MATN2: variants seen among roughly 807,000 people sequenced by gnomAD.
MATN2 encodes the protein matrilin-2.
MATN2 carries 69 observed loss-of-function variants against 103.2 expected under a neutral mutation model. The observed-to-expected ratio is 0.67, with a 90% CI of 0.55 to 0.82. The LOEUF (loss-of-function observed/expected upper bound fraction) is 0.82, where lower values mean the gene tolerates loss of function less well. Ranked by LOEUF, MATN2 falls within the 40% of genes least tolerant of loss-of-function variation. The pLI is 0.00. For missense variants in MATN2, 1,023 were observed against 1,211.5 expected, an observed-to-expected ratio of 0.84 and a Z score of 2.31; for synonymous variants, 429 against 450.2, an observed-to-expected ratio of 0.95 and a Z score of 0.60.
chr8:97,971,691 G>T (rs897766363), intron 5 of MATN2, among the ~76,000 whole-genome samples: 1 of 152,112 alleles, frequency 6.6e-6, no homozygotes, highest in African/African-American at 2.4e-5. Context: ...GGGTAACTTT[G>T]GTCCTGTTTG....
At chr8:97,994,411 A>T in intron 6 of MATN2, 69 bp from the exon 7 acceptor site, 1 of 1,531,056 alleles carries the variant, frequency 6.5e-7, no homozygotes, top group Non-Finnish European at 8.8e-7. Context: ...GAAGACTGGA[A>T]ATCCCTGGTT....
rs777866220 is a variant in MATN2 at position 97,935,170 on chromosome 8, C to T, written c.712+3648C>T. On this transcript the variant is annotated intron_variant, in intron 3 of 18. Coordinates refer to ENST00000254898, the MANE Select transcript of MATN2 (RefSeq NM_002380.5). ...AACTCCTGGGCTCAAGCAACCCTCT[C>T]ACATCAGCCTCCCAAGTAGCTGGGA... is the stretch of plus-strand genomic sequence containing the variant. Among the ~76,000 whole-genome samples the T allele has an allele frequency of 5.7e-4, 86 of 151,904 alleles. 1 individual carries two copies. Among genetic ancestry groups the T allele is most frequent in the Non-Finnish European group, 1.1e-3 (72 of 67,944 alleles).
At chr8:97,960,792 A>C (rs1011138032) in intron 4 of MATN2, among the ~76,000 whole-genome samples, 1 of 152,002 alleles carries the variant, frequency 6.6e-6, no homozygotes, top group Non-Finnish European at 1.5e-5. Flanking sequence ...AGTAATTCCA[A>C]CTTTGAAAAA....
At chr8:97,954,515 A>G (rs1811079444) in intron 4 of MATN2, among the ~76,000 whole-genome samples, 1 of 152,238 alleles carries the variant, frequency 6.6e-6, no homozygotes, top group African/African-American at 2.4e-5. Context: ...CCCACCGTGG[A>G]CATTTCAAGC....
At chr8:97,922,541 A>T (rs1022168019) in intron 2 of MATN2, among the ~76,000 whole-genome samples, 24 of 152,160 alleles carry the variant, frequency 1.6e-4, no homozygotes, top group African/African-American at 5.6e-4. Context: ...AGGCTCTAAG[A>T]CCAGGTTGGT....
At chr8:97,981,783 C>T in intron 6 of MATN2, among the ~76,000 whole-genome samples, 1 of 152,210 alleles carries the variant, frequency 6.6e-6, no homozygotes, top group Non-Finnish European at 1.5e-5. Flanking sequence ...CAGAGTGGCA[C>T]CATCTTCCCC....
chr8:97,910,821 A>T (rs998198959), intron 2 of MATN2, among the ~76,000 whole-genome samples: 1 of 152,130 alleles, frequency 6.6e-6, no homozygotes, highest in Non-Finnish European at 1.5e-5. Context: ...CCCTCTAGTA[A>T]AATGGGGACA....
intron 6 of MATN2, among the ~76,000 whole-genome samples, chr8:97,991,457 C>T (rs1255603979): frequency 6.6e-6 from 1 of 152,140 alleles, no homozygotes; most frequent in Non-Finnish European, 1.5e-5. Context: ...CACAGTGGCT[C>T]ACGCCTGTAA....
chr8:97,892,750 T>C (rs933912923), intron 2 of MATN2, among the ~76,000 whole-genome samples: 3 of 152,186 alleles, frequency 2.0e-5, no homozygotes, highest in Non-Finnish European at 4.4e-5. Flanking sequence ...AATGAGAGTA[T>C]GAAAGGCAAA....
chr8:97,884,554 G>C (rs1014870191), intron 1 of MATN2, among the ~76,000 whole-genome samples: 1 of 152,028 alleles, frequency 6.6e-6, no homozygotes, highest in Non-Finnish European at 1.5e-5. Flanking sequence ...GGAAGCTGAG[G>C]TGAGTGAGGA....
chr8:98,007,055 G>T lies in MATN2; in HGVS notation c.1328-50G>T. 1.3e-6 allele frequency: 2 copies of T among 1,545,694 alleles called. No individual in the cohort carries two copies. Among genetic ancestry groups the T allele is most frequent in the South Asian group, 1.2e-5 (1 of 84,628 alleles). On this transcript the variant is annotated intron_variant, in intron 8 of 18. Coordinates refer to ENST00000254898, the MANE Select transcript of MATN2 (RefSeq NM_002380.5). This position sits in a 1 kb window ranked among gnomAD's most constrained non-coding sequence, Gnocchi z 4.2. ...TGTTTTTGAATCTTGGTTGCTGGTG[G>T]GGTATTGCCCCCTCGGCTCCTCTAT...
chr8:97,959,421 CA>C (rs2130252041), intron 4 of MATN2, among the ~76,000 whole-genome samples: 1 of 152,300 alleles, frequency 6.6e-6, no homozygotes, highest in South Asian at 2.1e-4. Context: ...TGGCCTAGCT[CA>C]TTTAGGTTTT....
intron 7 of MATN2, among the ~76,000 whole-genome samples, chr8:97,995,627 G>A (rs1812559362): frequency 6.6e-6 from 1 of 152,220 alleles, no homozygotes. Flanking sequence ...TGCCTGGCAA[G>A]ACTGCGTTTT....
chr8:97,993,287 AAGATTATTTATGC>A (rs1340805895), intron 6 of MATN2, among the ~76,000 whole-genome samples: 5 of 152,216 alleles, frequency 3.3e-5, no homozygotes, highest in Admixed American at 1.3e-4. Context: ...ATTTGTTAGG[AAGATTATTTATGC>A]AGTTCAAATG....
Position 97,961,403 on chromosome 8 carries a change from C to G in MATN2, c.836-5C>G. ...TTGTGTTCTAACATCGTGACTTTGC[C>G]TCAGTCCAGGATCTGTGTGCCATGG... is the stretch of plus-strand genomic sequence containing the variant. On this transcript the variant is annotated splice_polypyrimidine_tract_variant and splice_region_variant and intron_variant, in intron 4 of 18. Transcript: ENST00000254898. The G allele has an allele frequency of 6.2e-7, 1 of 1,609,198 alleles. No individual in the cohort carries two copies. Among genetic ancestry groups the G allele is most frequent in the Non-Finnish European group, 8.5e-7 (1 of 1,177,508 alleles).
chr8:97,911,558 A>C (rs1809439748), intron 2 of MATN2, among the ~76,000 whole-genome samples: 1 of 151,636 alleles, frequency 6.6e-6, no homozygotes, highest in Admixed American at 6.6e-5. Context: ...AATGCAAAAA[A>C]TAGCTGGGCA....
chr8:97,902,182 T>G lies in MATN2; in HGVS notation c.142+13940T>G, dbSNP rs530040127. Among the ~76,000 whole-genome samples the G allele has an allele frequency of 1.8e-4, 27 of 151,596 alleles. No homozygotes were observed. In the East Asian group the frequency reaches 2.5e-3, roughly 14 times the overall value. On this transcript the variant is annotated intron_variant, in intron 2 of 18. Transcript: ENST00000254898. ...CTGGCCAGGGGACATGTATTTGTTTTTTTTTTTTTTAACAAAAAGTACACA... is the reference window on the plus strand; with the variant it reads ...CTGGCCAGGGGACATGTATTTGTTTGTTTTTTTTTTAACAAAAAGTACACA...
chr8:97,931,461 C>T lies in MATN2; in HGVS notation c.651C>T (p.Phe217=). The change falls in exon 3 of 19, where the codon TTC becomes TTT. Residue 217 remains phenylalanine (F), a synonymous_variant. Coordinates refer to ENST00000254898, the MANE Select transcript of MATN2 (RefSeq NM_002380.5). The surrounding 1 kb of genome is among the most constrained non-coding windows in gnomAD (Gnocchi z 4.1). The stretch of plus-strand genomic sequence containing the variant: ...GTGAGCCCCATGAGGACCATGTCTT[C>T]CTTGTGGCCAATTTCAGCCAGATTG... ...IGSEPHEDHV[F]LVANFSQIET... 1 of 1,613,582 alleles carries T rather than the reference C, an allele frequency of 6.2e-7. No homozygotes were observed. Among genetic ancestry groups the T allele is most frequent in the Admixed American group, 1.7e-5 (1 of 60,016 alleles).
At chr8:98,035,016 C>T (rs1188311557) in intron 18 of MATN2, among the ~76,000 whole-genome samples, 8 of 151,034 alleles carry the variant, frequency 5.3e-5, no homozygotes, top group Non-Finnish European at 8.8e-5. Flanking sequence ...CTTAGGAGTT[C>T]GAGATCAGCC....
Sources: gnomAD v4.1 joint callset for allele counts (sites outside exome capture counted in the v4.1 genomes callset) on GRCh38, gnomAD v4.1.1 for gene constraint, Gnocchi (gnomAD v3.1) non-coding constraint, MANE v1.5 for transcripts, NCBI Gene and HGNC (gene_info 2026-07-23, HGNC 2026-07-21) for gene names.